Variants in HIRA observed in about 807,000 individuals in gnomAD.
HIRA encodes the protein protein HIRA.
In HIRA, 13 loss-of-function variants were observed where a neutral mutation model predicts 126.6. The observed-to-expected ratio is 0.10, with a 90% CI of 0.07 to 0.16. The LOEUF is 0.16. Ranked by LOEUF, HIRA falls within the 10% of genes least tolerant of loss-of-function variation. The pLI is 1.00. For missense variants in HIRA, 834 were observed against 1,314.4 expected (o/e 0.63, Z 5.65); for synonymous variants, 511 against 520.0 (o/e 0.98, Z 0.24).
At chr22:19,339,039 A>C (rs1192659093) in intron 24 of HIRA, among the ~76,000 whole-genome samples, 3 of 152,240 alleles carry the variant, frequency 2.0e-5, no homozygotes, top group African/African-American at 7.2e-5. Flanking sequence ...TCCAAGAAAG[A>C]CCATATGATA....
At chr22:19,333,712 A>G (rs1328301836) in intron 24 of HIRA, among the ~76,000 whole-genome samples, 1 of 152,118 alleles carries the variant, frequency 6.6e-6, no homozygotes, top group Non-Finnish European at 1.5e-5. Context: ...AACTCCCATT[A>G]TGGATTCATG....
intron 2 of HIRA, among the ~76,000 whole-genome samples, 165 bp downstream of exon 2, chr22:19,410,551 T>A (rs2089344094): frequency 6.6e-6 from 1 of 152,236 alleles, no homozygotes; most frequent in South Asian, 2.1e-4. Flanking sequence ...ATAAAAGGAT[T>A]TTGATTTTAT....
chr22:19,403,370 G>A (rs1196033277), intron 5 of HIRA, among the ~76,000 whole-genome samples: 1 of 152,138 alleles, frequency 6.6e-6, no homozygotes, highest in South Asian at 2.1e-4. Context: ...AGCACTTCGG[G>A]AGGCCAGGAC....
chr22:19,405,073 G>A (rs996176476), intron 5 of HIRA, among the ~76,000 whole-genome samples: 2 of 152,070 alleles, frequency 1.3e-5, no homozygotes, highest in Non-Finnish European at 2.9e-5. Context: ...TCCATGATCC[G>A]ACTCTGGCAT....
intron 1 of HIRA, among the ~76,000 whole-genome samples, chr22:19,421,494 A>G (rs1157804994): frequency 6.6e-6 from 1 of 152,142 alleles, no homozygotes; most frequent in East Asian, 1.9e-4. Flanking sequence ...AAAATCACAA[A>G]ATCACCCAGT....
At chr22:19,370,137 G>T (rs1455883811) in intron 15 of HIRA, among the ~76,000 whole-genome samples, 2 of 152,096 alleles carry the variant, frequency 1.3e-5, no homozygotes, top group Non-Finnish European at 2.9e-5. Context: ...TTTTATAGTA[G>T]AGACGGGGTT....
At chr22:19,408,163 A>G (rs1040265682) in intron 3 of HIRA, among the ~76,000 whole-genome samples, 1 of 152,134 alleles carries the variant, frequency 6.6e-6, no homozygotes, top group Admixed American at 6.5e-5. Flanking sequence ...GTTTTGGCAA[A>G]TTGTCTCTTG....
At chr22:19,408,702 ATAAT>A (rs1321677364) in intron 2 of HIRA, 109 bp from the exon 3 acceptor site, 3 of 647,806 alleles carry the variant, frequency 4.6e-6, no homozygotes, top group Non-Finnish European at 8.4e-6. Flanking sequence ...TCCATAAACA[ATAAT>A]TAACTAGATC....
intron 21 of HIRA, among the ~76,000 whole-genome samples, chr22:19,354,839 C>G (rs948286549): frequency 1.1e-4 from 16 of 152,110 alleles, no homozygotes; most frequent in African/African-American, 3.6e-4. Context: ...GTGATTACAG[C>G]TCACTGCAGC....
intron 1 of HIRA, among the ~76,000 whole-genome samples, chr22:19,422,171 TACACAC>T (rs763716204): frequency 2.1e-5 from 3 of 143,134 alleles, no homozygotes; most frequent in East Asian, 2.0e-4. Flanking sequence ...TGTTTATATA[TACACAC>T]ACACACACAC....
intron 24 of HIRA, among the ~76,000 whole-genome samples, chr22:19,342,034 A>C (rs2088634662): frequency 1.3e-5 from 2 of 152,242 alleles, no homozygotes; most frequent in Admixed American, 1.3e-4. Flanking sequence ...GTGGGAGAAA[A>C]TATTTGCAAA....
intron 15 of HIRA, among the ~76,000 whole-genome samples, chr22:19,370,330 G>T (rs1178389395): frequency 6.6e-6 from 1 of 152,134 alleles, no homozygotes; most frequent in Non-Finnish European, 1.5e-5. Flanking sequence ...TGCAACCTCT[G>T]CTTCCTGCGT....
rs138847743 is a variant in HIRA, at chr22:19,414,936, C to CTTATTTATTTATTTATTTATTTAT, written c.38-4182_38-4159dup. On this transcript the variant is annotated intron_variant, in intron 1 of 24. Transcript: ENST00000263208. ...ATAAGGTGGGTGCAAACAACACAAA[C>CTTATTTATTTATTTATTTATTTAT]TTATTTATTTATTTATTTATTTATT... Among the ~76,000 whole-genome samples the CTTATTTATTTATTTATTTATTTAT allele has an allele frequency of 1.3e-4, 20 of 150,794 alleles. No individual in the cohort carries two copies. In the South Asian group the frequency reaches 2.3e-3, roughly 18 times the overall value.
intron 22 of HIRA, among the ~76,000 whole-genome samples, 198 bp from the exon 23 acceptor site, chr22:19,353,717 G>A (rs1392928101): frequency 2.6e-5 from 4 of 152,212 alleles, no homozygotes; most frequent in African/African-American, 7.2e-5. Context: ...TGTGCCTCCT[G>A]GCACCCTTGG....
intron 15 of HIRA, among the ~76,000 whole-genome samples, chr22:19,371,077 T>C (rs1329207491): frequency 6.6e-6 from 1 of 152,194 alleles, no homozygotes; most frequent in African/African-American, 2.4e-5. Flanking sequence ...ATGAGTGTCT[T>C]CCTCAATAAG....
At chr22:19,426,054 T>C (rs537910230) in intron 1 of HIRA, among the ~76,000 whole-genome samples, 1 of 152,032 alleles carries the variant, frequency 6.6e-6, no homozygotes, top group African/African-American at 2.4e-5. Flanking sequence ...ATAAATACAT[T>C]CAGAGTGGCC....
intron 1 of HIRA, among the ~76,000 whole-genome samples, chr22:19,411,401 C>T (rs1312782629): frequency 1.3e-5 from 2 of 152,214 alleles, no homozygotes; most frequent in South Asian, 2.1e-4. Flanking sequence ...TGGGCCTAGG[C>T]TTGCACTAGG....
At chr22:19,422,276 C>A (rs577951098) in intron 1 of HIRA, among the ~76,000 whole-genome samples, 3 of 151,866 alleles carry the variant, frequency 2.0e-5, no homozygotes, top group Admixed American at 6.6e-5. Flanking sequence ...TAAACACACA[C>A]ACACACAGAG....
intron 3 of HIRA, among the ~76,000 whole-genome samples, chr22:19,407,798 G>A (rs2089320237): frequency 6.6e-6 from 1 of 152,170 alleles, no homozygotes; most frequent in African/African-American, 2.4e-5. Context: ...GACTGACTCT[G>A]CGCTTATAAG....
Sources: allele counts gnomAD v4.1 joint callset (sites outside exome capture counted in the v4.1 genomes callset), GRCh38; gene constraint gnomAD v4.1.1; transcripts MANE v1.5; gene names NCBI Gene and HGNC (gene_info 2026-07-23, HGNC 2026-07-21).